The following POR variants were observed in gnomAD, a reference collection of about 807,000 sequenced individuals.
The protein encoded by POR is NADPH--cytochrome P450 reductase.
A neutral mutation model predicts 84.0 loss-of-function variants in POR; 56 were observed. That is an observed-to-expected ratio of 0.67 (90% CI 0.54 to 0.83). The LOEUF is 0.83. Ranked by LOEUF, POR falls within the 40% of genes least tolerant of loss-of-function variation. The pLI, the probability that POR is intolerant of heterozygous loss-of-function variation, is 0.00. For synonymous variants in POR, 414 were observed against 400.5 expected (o/e 1.03, Z -0.40); for missense variants, 938 against 944.3 (o/e 0.99, Z 0.09).
Position 75,983,844 on chromosome 7 carries a change from A to C in POR, c.1054A>C (p.Asn352His). 6.2e-7 allele frequency: 1 copy of C among 1,607,846 alleles called. No individual in the cohort carries two copies. Among genetic ancestry groups the C allele is most frequent in the Admixed American group, 1.7e-5 (1 of 59,358 alleles). ...CGACCTGGACGTCGTCATGTCCCTG[A>C]ACAACCTGGATGGTGAGTGCCACAG... The change falls in exon 10 of 16, where the codon AAC (asparagine) becomes CAC (histidine). Residue 352 changes from asparagine to histidine, a missense_variant. Coordinates refer to ENST00000461988, the MANE Select transcript of POR (RefSeq NM_000941.3).
At chr7:75,970,384 G>A (rs1318379149) in intron 2 of POR, among the ~76,000 whole-genome samples, 4 of 149,512 alleles carry the variant, frequency 2.7e-5, no homozygotes, top group East Asian at 2.2e-4. Flanking sequence ...CGCACCGCAC[G>A]GTCATGTGAT....
At chr7:75,917,383 C>CTTTTT (rs373478392) in intron 1 of POR, among the ~76,000 whole-genome samples, 1 of 115,242 alleles carries the variant, frequency 8.7e-6, no homozygotes, top group Non-Finnish European at 1.6e-5. Flanking sequence ...ATTTCTTCTT[C>CTTTTT]TTTTTTTTTT....
At chr7:75,968,758 G>C (rs1788301079) in intron 2 of POR, among the ~76,000 whole-genome samples, 1 of 152,208 alleles carries the variant, frequency 6.6e-6, no homozygotes, top group South Asian at 2.1e-4. Context: ...CCTAGCCTTG[G>C]GGCAGAGCAG....
chr7:75,959,639 A>G lies in POR; in HGVS notation c.188+5459A>G, dbSNP rs138581838. On this transcript the variant is annotated intron_variant, in intron 2 of 15. Transcript: ENST00000461988. ...CCCGGCTAATTTTTGTATTTTTAGT[A>G]GAGATGGAGTTTCACCACGTTGGCC... is the stretch of plus-strand genomic sequence containing the variant. 8.5e-3 allele frequency among the ~76,000 whole-genome samples: 1,298 copies of G among 152,256 alleles called. 22 individuals are homozygous for G. The highest frequency in any genetic ancestry group is 0.03 in the African/African-American group (1,234 of 41,550).
In POR at chr7:75,948,342, G is replaced by A. The variant is rs539741009; in HGVS notation, c.-4-5647G>A. Among the ~76,000 whole-genome samples the A allele has an allele frequency of 2.6e-5, 4 of 152,360 alleles. No homozygotes were observed. In the East Asian group the frequency reaches 5.8e-4, roughly 22 times the overall value. ...CCAGGCTGAGCGCTGGGAGTGCCCA[G>A]TGTGCTGGTCGGGGCTGGGGGGCAC... On this transcript the variant is annotated intron_variant, in intron 1 of 15. Coordinates refer to ENST00000461988, the MANE Select transcript of POR (RefSeq NM_000941.3).
intron 1 of POR, chr7:75,922,920 A>G (rs1806947412): frequency 3.0e-6 from 2 of 664,934 alleles, no homozygotes; most frequent in South Asian, 1.6e-5. Flanking sequence ...AATCATTCCT[A>G]CATGATTCCT....
rs782714107 is a variant in POR, at chr7:75,981,155, G to T, written c.624G>T (p.Leu208Phe). 10 of 1,547,362 alleles carry T rather than the reference G, an allele frequency of 6.5e-6. No individual in the cohort carries two copies. Among genetic ancestry groups the T allele is most frequent in the East Asian group, 2.4e-5 (1 of 41,070 alleles). The change falls in exon 6 of 16, where the codon TTG becomes TTT. Residue 208 changes from leucine to phenylalanine, a missense_variant. Coordinates refer to ENST00000461988, the MANE Select transcript of POR (RefSeq NM_000941.3). ...CCCAGCGCATCTTTGAGCTGGGGTT[G>T]GGCGACGACGATGGGAAGTGAGTGC... is the stretch of plus-strand genomic sequence containing the variant.
intron 1 of POR, among the ~76,000 whole-genome samples, chr7:75,938,314 G>A (rs1807797430): frequency 6.6e-6 from 1 of 152,184 alleles, no homozygotes; most frequent in Non-Finnish European, 1.5e-5. Flanking sequence ...TATTAGGGGT[G>A]CAGGCATCGT....
chr7:75,969,192 C>G (rs1554555783), intron 2 of POR, among the ~76,000 whole-genome samples: 1 of 152,232 alleles, frequency 6.6e-6, no homozygotes, highest in African/African-American at 2.4e-5. Context: ...CACAGGCTGA[C>G]CGCCTTCCAG....
chr7:75,983,349 AAAAG>A, intron 8 of POR, 167 bp from the exon 9 acceptor site: 1 of 572,074 alleles, frequency 1.7e-6, no homozygotes, highest in Non-Finnish European at 3.1e-6. Context: ...TCAAAAAAAA[AAAAG>A]AGAACTGCAT....
intron 1 of POR, among the ~76,000 whole-genome samples, chr7:75,922,359 T>A (rs1806921446): frequency 6.7e-6 from 1 of 149,582 alleles, no homozygotes. Flanking sequence ...CCTGTCACTC[T>A]GTCGCCCAGG....
intron 3 of POR, among the ~76,000 whole-genome samples, chr7:75,978,352 C>T (rs1788793128): frequency 6.6e-6 from 1 of 152,134 alleles, no homozygotes; most frequent in Non-Finnish European, 1.5e-5. Context: ...TGTCATCTTA[C>T]TGTTCCCTAA....
At position 75,986,061 on chromosome 7, in the gene POR, C is replaced by T; in HGVS notation, c.1808C>T (p.Ser603Phe). 2 of 1,561,926 alleles carry T rather than the reference C, an allele frequency of 1.3e-6. No individual in the cohort carries two copies. Among genetic ancestry groups the T allele is most frequent in the Non-Finnish European group, 1.7e-6 (2 of 1,154,128 alleles). ...AACGTGGCCTTCTCCCGGGAGCAGT[C>T]CCACAAGGTGAGACGGGCGGGCACC... The change falls in exon 14 of 16, where the codon TCC becomes TTC. Residue 603 changes from serine to phenylalanine, a missense_variant. Transcript: ENST00000461988.
intron 2 of POR, among the ~76,000 whole-genome samples, chr7:75,965,157 G>C (rs1554555060): frequency 6.6e-6 from 1 of 152,238 alleles, no homozygotes; most frequent in African/African-American, 2.4e-5. Context: ...GGAGGGAGCT[G>C]ACTTGGAAGC....
At chr7:75,974,529 T>TTTTTTTTTTTTTTTTTTTA (rs1788588521) in intron 3 of POR, among the ~76,000 whole-genome samples, 1 of 145,818 alleles carries the variant, frequency 6.9e-6, no homozygotes, top group Admixed American at 6.8e-5. Flanking sequence ...CTTTTCTTTT[T>TTTTTTTTTTTTTTTTTTTA]TTTTTTTTTT....
At position 75,986,456 on chromosome 7, in the gene POR, G is replaced by T. The variant is rs376693603; in HGVS notation, c.2018G>T (p.Arg673Leu). The stretch of plus-strand genomic sequence containing the variant: ...ATCAAGAAACTGATGACCAAGGGCC[G>T]CTACTCCCTGGACGTGTGGAGCTAG... Residue 673 changes from arginine to leucine, a missense_variant, in exon 16 of 16, where the codon CGC becomes CTC. Coordinates refer to ENST00000461988, the MANE Select transcript of POR (RefSeq NM_000941.3). 6.2e-7 allele frequency: 1 copy of T among 1,611,350 alleles called. No homozygotes were observed. The highest frequency in any genetic ancestry group is 2.2e-5 in the East Asian group (1 of 44,874).
chr7:75,985,656 G>A lies in POR; in HGVS notation c.1476G>A (p.Val492=), dbSNP rs1789397146. The change falls in exon 13 of 16, where the codon GTG becomes GTA. Residue 492 remains valine, a synonymous_variant. Transcript: ENST00000461988. ...AGGCTGGCCGCATCAACAAGGGCGT[G>A]GCCACCAACTGGCTGCGGGCCAAGG... The A allele has an allele frequency of 6.3e-7, 1 of 1,595,116 alleles. No individual in the cohort carries two copies. The highest frequency in any genetic ancestry group is 8.5e-7 in the Non-Finnish European group (1 of 1,172,068).
At position 75,958,939 on chromosome 7, in the gene POR, T is replaced by C. The variant is rs569946046; in HGVS notation, c.188+4759T>C. Among the ~76,000 whole-genome samples, 117 of 152,352 alleles carry C rather than the reference T, an allele frequency of 7.7e-4. 1 individual carries two copies. The highest frequency in any genetic ancestry group is 3.5e-3 in the Admixed American group (54 of 15,300). ...GATCTTGGACTTTGGAATGTTTGCA[T>C]TATACTCACCAGATGAGCATTTCTT... On this transcript the variant is annotated intron_variant, in intron 2 of 15. Transcript: ENST00000461988.
At chr7:75,957,289 G>A (rs527926444) in intron 2 of POR, among the ~76,000 whole-genome samples, 1 of 152,178 alleles carries the variant, frequency 6.6e-6, no homozygotes, top group Non-Finnish European at 1.5e-5. Flanking sequence ...CCCTGAAGCT[G>A]AAAGGACTTT....
Sources: gnomAD v4.1 joint callset for allele counts (sites outside exome capture counted in the v4.1 genomes callset) on GRCh38, gnomAD v4.1.1 for gene constraint, MANE v1.5 for transcripts, NCBI Gene and HGNC (gene_info 2026-07-23, HGNC 2026-07-21) for gene names.